CHSY3: variants seen among roughly 807,000 people sequenced by gnomAD.
The protein encoded by CHSY3 is N-acetylgalactosaminyl-proteoglycan 3-beta-glucuronosyltransferase 3.
Under a neutral mutation model 67.2 loss-of-function variants are expected in CHSY3, and 35 were observed. The ratio of observed to expected loss-of-function variants is 0.52; its 90% CI spans 0.40 to 0.69. The LOEUF (loss-of-function observed/expected upper bound fraction) is 0.69, where lower values mean the gene tolerates loss of function less well. Ranked by LOEUF, CHSY3 falls within the 30% of genes least tolerant of loss-of-function variation. CHSY3 has a pLI of 0.00. For missense variants in CHSY3, 1,069 were observed against 1,138.5 expected (o/e 0.94, Z 0.88); for synonymous variants, 474 against 434.7 (o/e 1.09, Z -1.12).
intron 2 of CHSY3, among the ~76,000 whole-genome samples, chr5:130,173,629 T>G (rs1244183957): frequency 6.6e-6 from 1 of 152,172 alleles, no homozygotes; most frequent in Non-Finnish European, 1.5e-5. Flanking sequence ...AGTAGCAAAA[T>G]GTTCTTATTT....
chr5:130,116,678 A>G lies in CHSY3; in HGVS notation c.1087-67551A>G, dbSNP rs369261957. Among the ~76,000 whole-genome samples, 322 of 152,250 alleles carry G rather than the reference A, an allele frequency of 2.1e-3. 6 individuals carry two copies. The South Asian group carries it at 0.035, about 17-fold the overall frequency. ...GAGAGTTCACTACTTGTATGGATGG[A>G]TCTTGTGAGATCCCACAGAGCCCAT... is the stretch of plus-strand genomic sequence containing the variant. On this transcript the variant is annotated intron_variant, in intron 2 of 2. Coordinates refer to ENST00000305031, the MANE Select transcript of CHSY3 (RefSeq NM_175856.5).
chr5:130,153,908 TTTTGTTTGTTTG>T (rs566849744), intron 2 of CHSY3, among the ~76,000 whole-genome samples: 3 of 150,140 alleles, frequency 2.0e-5, no homozygotes, highest in Non-Finnish European at 2.9e-5. Flanking sequence ...TTCTGGCTGT[TTTTGTTTGTTTG>T]TTTGTTTGTT....
intron 2 of CHSY3, among the ~76,000 whole-genome samples, chr5:129,960,325 T>A (rs1762294702): frequency 6.6e-6 from 1 of 152,096 alleles, no homozygotes; most frequent in Admixed American, 6.6e-5. Context: ...AATGACATGG[T>A]GAATACAATG....
intron 2 of CHSY3, among the ~76,000 whole-genome samples, chr5:130,161,837 G>A (rs1420698689): frequency 2.0e-5 from 3 of 151,946 alleles, no homozygotes; most frequent in South Asian, 2.1e-4. Flanking sequence ...CCAAGAGTTC[G>A]AGACTAGCCT....
chr5:130,100,476 T>C (rs973265773), intron 2 of CHSY3, among the ~76,000 whole-genome samples: 1 of 152,114 alleles, frequency 6.6e-6, no homozygotes, highest in Non-Finnish European at 1.5e-5. Context: ...GTTAGATTTC[T>C]AATGCATCTA....
chr5:129,927,117 T>G (rs1157808502), intron 2 of CHSY3, among the ~76,000 whole-genome samples: 1 of 151,952 alleles, frequency 6.6e-6, no homozygotes, highest in Non-Finnish European at 1.5e-5. Flanking sequence ...ATTCTGTTTT[T>G]TTCTTAACTA....
At chr5:129,999,975 T>C (rs1330471968) in intron 2 of CHSY3, among the ~76,000 whole-genome samples, 1 of 152,124 alleles carries the variant, frequency 6.6e-6, no homozygotes, top group Admixed American at 6.6e-5. Context: ...AAATAACCAT[T>C]GTCTTTGAGA....
rs114902292 is a variant in CHSY3, at chr5:130,010,188, C to T, written c.1086+101828C>T. Among the ~76,000 whole-genome samples, 1,439 of 152,216 alleles carry T rather than the reference C, an allele frequency of 9.5e-3. 21 individuals are homozygous for T. Among genetic ancestry groups the T allele is most frequent in the African/African-American group, 0.032 (1,348 of 41,514 alleles). On this transcript the variant is annotated intron_variant, in intron 2 of 2. Transcript: ENST00000305031. ...ACAAAAAGAGAATATATATTCTTCT[C>T]ATATGCACATGGCACATACACTAAG...
At chr5:130,057,750 C>T (rs572772560) in intron 2 of CHSY3, among the ~76,000 whole-genome samples, 12 of 152,130 alleles carry the variant, frequency 7.9e-5, no homozygotes, top group African/African-American at 2.7e-4. Context: ...TGAAAACATT[C>T]GTACCAAGAT....
At chr5:130,111,461 G>A (rs1483139192) in intron 2 of CHSY3, among the ~76,000 whole-genome samples, 1 of 152,002 alleles carries the variant, frequency 6.6e-6, no homozygotes, top group Admixed American at 6.6e-5. Context: ...TATACAATCA[G>A]CCCGATTTTA....
intron 2 of CHSY3, among the ~76,000 whole-genome samples, chr5:130,162,057 A>AAAAAAAAAAAG (rs1554087189): frequency 9.8e-5 from 12 of 122,976 alleles, no homozygotes; most frequent in Non-Finnish European, 1.7e-4. Context: ...AAAAAAAAAA[A>AAAAAAAAAAAG]AAAGAAAGAA....
At chr5:130,123,364 C>A (rs1269765938) in intron 2 of CHSY3, among the ~76,000 whole-genome samples, 3 of 152,172 alleles carry the variant, frequency 2.0e-5, no homozygotes, top group Non-Finnish European at 4.4e-5. Context: ...AGAAGATAGT[C>A]TTTCCATGGA....
chr5:130,127,612 G>A (rs1768336544), intron 2 of CHSY3, among the ~76,000 whole-genome samples: 1 of 152,096 alleles, frequency 6.6e-6, no homozygotes. Flanking sequence ...TTATTTTCAT[G>A]TCACTTAGAC....
chr5:129,977,396 T>C (rs1762844617), intron 2 of CHSY3, among the ~76,000 whole-genome samples: 1 of 152,202 alleles, frequency 6.6e-6, no homozygotes, highest in African/African-American at 2.4e-5. Flanking sequence ...TGTACCTTTA[T>C]GAATCCTTGA....
intron 2 of CHSY3, among the ~76,000 whole-genome samples, chr5:129,977,760 T>C (rs1354494176): frequency 2.6e-5 from 4 of 152,120 alleles, no homozygotes; most frequent in Non-Finnish European, 5.9e-5. Flanking sequence ...AGATTATCTG[T>C]ACTACAGTTT....
intron 2 of CHSY3, among the ~76,000 whole-genome samples, chr5:130,124,064 A>G (rs918248672): frequency 1.4e-5 from 2 of 143,820 alleles, no homozygotes; most frequent in African/African-American, 5.2e-5. Context: ...AAAAAAAAAA[A>G]GAAGTAAACA....
intron 2 of CHSY3, among the ~76,000 whole-genome samples, chr5:129,925,452 CAAAT>C (rs1220234085): frequency 6.6e-6 from 1 of 152,006 alleles, no homozygotes; most frequent in African/African-American, 2.4e-5. Context: ...TTTCAGTTGA[CAAAT>C]AAAAATTGCA....
chr5:130,174,290 T>C (rs960247096), intron 2 of CHSY3, among the ~76,000 whole-genome samples: 12 of 151,936 alleles, frequency 7.9e-5, no homozygotes, highest in African/African-American at 2.9e-4. Flanking sequence ...TAGAGGATCC[T>C]TTCTCGTTAA....
chr5:129,905,769 C>T (rs905123694), intron 1 of CHSY3, 138 bp downstream of exon 1: 24 of 1,463,900 alleles, frequency 1.6e-5, no homozygotes, highest in Admixed American at 2.5e-5. Flanking sequence ...CTGGCCCGCC[C>T]TCCCCACCCC....
Sources: gnomAD v4.1 joint callset for allele counts (sites outside exome capture counted in the v4.1 genomes callset) on GRCh38, gnomAD v4.1.1 for gene constraint, MANE v1.5 for transcripts, NCBI Gene and HGNC (gene_info 2026-07-23, HGNC 2026-07-21) for gene names.